The following ACSS3 variants were observed in gnomAD, a reference collection of about 807,000 sequenced individuals.
The protein encoded by ACSS3 is acyl-CoA synthetase short-chain family member 3, mitochondrial.
ACSS3 carries 64 observed loss-of-function variants against 84.2 expected under a neutral mutation model. That is an observed-to-expected ratio of 0.76 (90% CI 0.62 to 0.94). The LOEUF (loss-of-function observed/expected upper bound fraction) is 0.94, where lower values mean the gene tolerates loss of function less well. ACSS3 is among the 40% of genes least tolerant of loss of function. The probability of loss-of-function intolerance (pLI) is 0.00; values close to 1 mark genes in which losing one functional copy is unlikely to be tolerated. For synonymous variants in ACSS3, 317 were observed against 310.1 expected (o/e 1.02, Z -0.23); for missense variants, 815 against 867.6 (o/e 0.94, Z 0.76).
At chr12:81,249,781 G>A (rs775850279) in intron 13 of ACSS3, among the ~76,000 whole-genome samples, 17 of 151,866 alleles carry the variant, frequency 1.1e-4, no homozygotes, top group Non-Finnish European at 2.2e-4. Flanking sequence ...TGTCTTCTTC[G>A]AACCATTGCA....
rs1204432670 is a variant in ACSS3 at position 81,178,049 on chromosome 12, G to T, written c.1250+3110G>T. ...CTGCAGCACTATTCACAGTAGCAAA[G>T]ACTTGGAACCAACCCAAATGTCCAA... On this transcript the variant is annotated intron_variant, in intron 8 of 15. Coordinates refer to ENST00000548058, the MANE Select transcript of ACSS3 (RefSeq NM_024560.4). Among the ~76,000 whole-genome samples the T allele has an allele frequency of 2.0e-5, 3 of 152,076 alleles. No homozygotes were observed. In the East Asian group the frequency reaches 5.8e-4, roughly 29 times the overall value.
chr12:81,182,561 A>G (rs1364436008), intron 8 of ACSS3, among the ~76,000 whole-genome samples: 1 of 152,210 alleles, frequency 6.6e-6, no homozygotes, highest in East Asian at 1.9e-4. Context: ...GGTTAGAAGC[A>G]CACAATGTAA....
intron 8 of ACSS3, among the ~76,000 whole-genome samples, chr12:81,191,336 CCTTT>C (rs759441348): frequency 6.6e-5 from 10 of 152,152 alleles, no homozygotes; most frequent in Non-Finnish European, 1.0e-4. Context: ...TCCCCCTCTT[CCTTT>C]CTATTTTTGG....
At chr12:81,092,272 G>A (rs1881717536) in intron 1 of ACSS3, among the ~76,000 whole-genome samples, 1 of 152,080 alleles carries the variant, frequency 6.6e-6, no homozygotes, top group Non-Finnish European at 1.5e-5. Context: ...CAAGATGAGA[G>A]TCCAGATAGA....
intron 13 of ACSS3, among the ~76,000 whole-genome samples, chr12:81,243,893 A>C (rs1486375627): frequency 6.6e-6 from 1 of 152,140 alleles, no homozygotes; most frequent in Non-Finnish European, 1.5e-5. Flanking sequence ...CAAGAAAAAT[A>C]ATTTTTTTAT....
chr12:81,182,445 C>A (rs975001086), intron 8 of ACSS3, among the ~76,000 whole-genome samples: 1 of 152,050 alleles, frequency 6.6e-6, no homozygotes, highest in Admixed American at 6.6e-5. Context: ...TGAATACATA[C>A]AAAAGTATAA....
chr12:81,156,151 A>G (rs946154843), intron 7 of ACSS3, among the ~76,000 whole-genome samples: 2 of 151,842 alleles, frequency 1.3e-5, no homozygotes, highest in Admixed American at 6.6e-5. Flanking sequence ...TTCTAAATAA[A>G]TAATCCATAG....
chr12:81,112,030 T>A (rs1182051068), intron 2 of ACSS3, among the ~76,000 whole-genome samples: 1 of 152,186 alleles, frequency 6.6e-6, no homozygotes, highest in Non-Finnish European at 1.5e-5. Flanking sequence ...CTGGGATGAG[T>A]TAGAAAGGCA....
chr12:81,194,915 C>A (rs911262394), intron 8 of ACSS3, among the ~76,000 whole-genome samples: 1 of 151,626 alleles, frequency 6.6e-6, no homozygotes, highest in African/African-American at 2.4e-5. Flanking sequence ...ATCAGGTGTC[C>A]CTTGGTTTGC....
At chr12:81,145,602 G>A (rs1411432257) in intron 5 of ACSS3, among the ~76,000 whole-genome samples, 1 of 152,210 alleles carries the variant, frequency 6.6e-6, no homozygotes, top group Non-Finnish European at 1.5e-5. Context: ...ACATAGGACA[G>A]CATGCTTAAC....
intron 7 of ACSS3, 127 bp downstream of exon 7, chr12:81,152,223 G>A (rs1886647265): frequency 3.3e-6 from 2 of 614,756 alleles, no homozygotes; most frequent in South Asian, 5.7e-5. Flanking sequence ...TCTTCTTCCA[G>A]TTAAAAATAT....
intron 2 of ACSS3, among the ~76,000 whole-genome samples, chr12:81,125,388 T>C (rs1565990752): frequency 6.6e-6 from 1 of 152,200 alleles, no homozygotes; most frequent in Non-Finnish European, 1.5e-5. Context: ...GCTAAGGTAA[T>C]TAATGCTTTC....
intron 8 of ACSS3, among the ~76,000 whole-genome samples, chr12:81,185,834 A>G (rs2031225591): frequency 6.6e-6 from 1 of 151,764 alleles, no homozygotes; most frequent in African/African-American, 2.4e-5. Context: ...CCAATGGCAT[A>G]CTTCACAGAA....
chr12:81,190,151 T>C (rs1439256751), intron 8 of ACSS3, among the ~76,000 whole-genome samples: 4 of 152,268 alleles, frequency 2.6e-5, no homozygotes, highest in African/African-American at 9.6e-5. Flanking sequence ...TCTTGGCTCG[T>C]TTTATTTCTG....
intron 2 of ACSS3, among the ~76,000 whole-genome samples, chr12:81,115,185 G>A (rs1239502678): frequency 2.0e-5 from 3 of 152,100 alleles, no homozygotes; most frequent in East Asian, 1.9e-4. Flanking sequence ...TGTTGGGGAC[G>A]TGCTTAGGAA....
chr12:81,246,195 A>G (rs2033980590), intron 13 of ACSS3, among the ~76,000 whole-genome samples: 1 of 152,126 alleles, frequency 6.6e-6, no homozygotes, highest in Non-Finnish European at 1.5e-5. Flanking sequence ...TGTGTTGTAC[A>G]GCTAGTGTGG....
At chr12:81,252,574 G>A (rs113889395) in intron 13 of ACSS3, among the ~76,000 whole-genome samples, 7,261 of 151,940 alleles carry the variant, frequency 0.048, 293 homozygotes, top group African/African-American at 0.11. Context: ...AAAAAATTTT[G>A]AATATGCATT....
chr12:81,153,577 CA>C (rs1246300564), intron 7 of ACSS3, among the ~76,000 whole-genome samples: 2 of 152,064 alleles, frequency 1.3e-5, no homozygotes, highest in African/African-American at 4.8e-5. Context: ...TAATCAGAGA[CA>C]AACTTAAATG....
chr12:81,221,624 C>T (rs60758915), intron 11 of ACSS3, among the ~76,000 whole-genome samples: 8,046 of 151,976 alleles, frequency 0.053, 380 homozygotes, highest in African/African-American at 0.13. Context: ...ACATATCCAT[C>T]AAGATGAAAA....
Sources: allele counts gnomAD v4.1 joint callset (sites outside exome capture counted in the v4.1 genomes callset), GRCh38; gene constraint gnomAD v4.1.1; transcripts MANE v1.5; gene names NCBI Gene and HGNC (gene_info 2026-07-23, HGNC 2026-07-21).